RNF14: variants seen among roughly 807,000 people sequenced by gnomAD.
RNF14 encodes the protein ring finger protein 14.
In RNF14, 26 loss-of-function variants were observed where a neutral mutation model predicts 52.6. The ratio of observed to expected loss-of-function variants is 0.49; its 90% CI spans 0.36 to 0.69. The LOEUF is 0.69. Ranked by LOEUF, RNF14 falls within the 30% of genes least tolerant of loss-of-function variation. The probability of loss-of-function intolerance (pLI) is 0.00; values close to 1 mark genes in which losing one functional copy is unlikely to be tolerated. For missense variants in RNF14, 404 were observed against 560.4 expected, an observed-to-expected ratio of 0.72 and a Z score of 2.82; for synonymous variants, 194 against 202.0, an observed-to-expected ratio of 0.96 and a Z score of 0.34.
chr5:141,973,231 A>C (rs1229403673), intron 2 of RNF14, among the ~76,000 whole-genome samples: 1 of 129,828 alleles, frequency 7.7e-6, no homozygotes. Flanking sequence ...ACCTCTGTGC[A>C]TTTTCTTTTC....
At chr5:141,951,613 T>C in the RNF14 span, 1 of 1,556,582 alleles carries the variant, frequency 6.4e-7, no homozygotes, top group Non-Finnish European at 8.9e-7. Flanking sequence ...AAAAATCTGT[T>C]GACTCCACAC....
upstream of RNF14, chr5:141,958,246 C>A: frequency 5.4e-6 from 1 of 185,974 alleles, no homozygotes; most frequent in Non-Finnish European, 1.1e-5. Flanking sequence ...GAAACCCCAC[C>A]TACAGGAAAA....
At chr5:141,968,974 C>G (rs1189272174), upstream of RNF14, 1 of 152,210 alleles carries the variant, frequency 6.6e-6, no homozygotes, top group African/African-American at 2.4e-5. Flanking sequence ...TGACGGTGGT[C>G]GCGCCGGCAG....
upstream of RNF14, chr5:141,956,482 G>T: frequency 6.2e-7 from 1 of 1,614,220 alleles, no homozygotes; most frequent in Non-Finnish European, 8.5e-7. Context: ...AAACACAGGT[G>T]CATTGTCGTT....
chr5:141,984,437 T>C (rs1755058145), intron 7 of RNF14, among the ~76,000 whole-genome samples: 1 of 151,980 alleles, frequency 6.6e-6, no homozygotes, highest in Non-Finnish European at 1.5e-5. Flanking sequence ...TATGACAGAG[T>C]GGAGGACTTG....
chr5:141,955,913 A>T (rs1753174685), upstream of RNF14: 1 of 1,614,166 alleles, frequency 6.2e-7, no homozygotes. The surrounding 1 kb of genome is among the most constrained non-coding windows in gnomAD (Gnocchi z 5.5). Flanking sequence ...TTGAGGATGA[A>T]GAGGTGGGCT....
chr5:141,955,401 G>T, upstream of RNF14: 5 of 1,613,976 alleles, frequency 3.1e-6, no homozygotes, highest in Non-Finnish European at 4.2e-6. This position sits in a 1 kb window ranked among gnomAD's most constrained non-coding sequence, Gnocchi z 5.5. Context: ...TCGGGGTGAG[G>T]TGGAAGGGGG....
the RNF14 span, among the ~76,000 whole-genome samples, chr5:141,950,677 A>G: frequency 6.6e-6 from 1 of 152,170 alleles, no homozygotes; most frequent in African/African-American, 2.4e-5. Context: ...ACCTCTCACC[A>G]TCCTTGTAAA....
At chr5:141,958,617 G>A (rs908994680) in intron 1 of RNF14, 2 of 152,054 alleles carry the variant, frequency 1.3e-5, no homozygotes, top group East Asian at 1.9e-4. Context: ...CTGATCACCC[G>A]TTTTTGTCTC....
chr5:141,960,721 T>C (rs1467564218), intron 1 of RNF14, among the ~76,000 whole-genome samples: 1 of 152,148 alleles, frequency 6.6e-6, no homozygotes, highest in African/African-American at 2.4e-5. Context: ...TACCATCACA[T>C]TGAAGATGCT....
At chr5:141,961,840 C>T (rs1490207363), upstream of RNF14, among the ~76,000 whole-genome samples, 2 of 152,178 alleles carry the variant, frequency 1.3e-5, no homozygotes, top group Non-Finnish European at 2.9e-5. Flanking sequence ...CCTTGGAGGA[C>T]TCCCAGGCCA....
At position 141,988,282 on chromosome 5, in the gene RNF14, C is replaced by T. The variant is rs116642057; in HGVS notation, c.*492C>T. On this transcript the variant is annotated 3_prime_UTR_variant, in exon 9 of 9. Transcript: ENST00000394520. Reference sequence around the variant, plus strand: ...TACTCCATGTTAATCACATTCCTACCAACCTAAATTTCTGCCAAGTCAGTT... The same window carrying T: ...TACTCCATGTTAATCACATTCCTACTAACCTAAATTTCTGCCAAGTCAGTT... 0.015 allele frequency: 2,350 copies of T among 153,046 alleles called. 28 individuals carry two copies. The highest frequency in any genetic ancestry group is 0.025 in the Non-Finnish European group (1,725 of 68,542). The allele number at this position is 153,046 out of a possible 1,614,324, so 9.5% of individuals were successfully genotyped here.
upstream of RNF14, chr5:141,956,833 A>G: frequency 1.2e-6 from 2 of 1,614,234 alleles, no homozygotes; most frequent in South Asian, 2.2e-5. Context: ...CAGAACCTTG[A>G]TGAGAACTTT....
At chr5:141,965,261 A>T (rs1486427945), upstream of RNF14, among the ~76,000 whole-genome samples, 1 of 152,116 alleles carries the variant, frequency 6.6e-6, no homozygotes, top group Admixed American at 6.5e-5. Context: ...GATGGATGGG[A>T]ACAAATGCAG....
At chr5:141,974,768 C>G (rs376977493) in intron 3 of RNF14, 36 bp from the exon 4 acceptor site, 1 of 1,608,454 alleles carries the variant, frequency 6.2e-7, no homozygotes. Context: ...CAAGTGTTGA[C>G]CAACTGATCC....
chr5:141,972,194 C>T (rs1753840261), intron 2 of RNF14, among the ~76,000 whole-genome samples: 1 of 151,772 alleles, frequency 6.6e-6, no homozygotes, highest in Non-Finnish European at 1.5e-5. Context: ...AATTTTGCCT[C>T]CAACCCCCAT....
upstream of RNF14, chr5:141,955,789 C>G: frequency 1.2e-6 from 2 of 1,613,752 alleles, no homozygotes; most frequent in Non-Finnish European, 1.7e-6. This position sits in a 1 kb window ranked among gnomAD's most constrained non-coding sequence, Gnocchi z 5.5. Context: ...CAACAGGGCT[C>G]GGGTCTGTAA....
chr5:141,955,643 T>G, upstream of RNF14: 1 of 1,614,110 alleles, frequency 6.2e-7, no homozygotes, highest in Non-Finnish European at 8.5e-7. The surrounding 1 kb of genome is among the most constrained non-coding windows in gnomAD (Gnocchi z 5.5). Context: ...CAGATGGACA[T>G]GAACAAAGCC....
upstream of RNF14, chr5:141,955,890 C>T (rs773898344): frequency 1.9e-5 from 31 of 1,614,054 alleles, no homozygotes; most frequent in East Asian, 4.2e-4. This position sits in a 1 kb window ranked among gnomAD's most constrained non-coding sequence, Gnocchi z 5.5. Context: ...CGAACAGCTG[C>T]CCCGTATGAG....
Sources: gnomAD v4.1 joint callset for allele counts (sites outside exome capture counted in the v4.1 genomes callset) on GRCh38, gnomAD v4.1.1 for gene constraint, Gnocchi (gnomAD v3.1) non-coding constraint, MANE v1.5 for transcripts, NCBI Gene and HGNC (gene_info 2026-07-23, HGNC 2026-07-21) for gene names.